The following PHC2 variants were observed in gnomAD, a reference collection of about 807,000 sequenced individuals.
PHC2 encodes the protein polyhomeotic-like protein 2.
PHC2 carries 29 observed loss-of-function variants against 87.4 expected under a neutral mutation model. That is an observed-to-expected ratio of 0.33 (90% CI 0.25 to 0.45). The LOEUF (loss-of-function observed/expected upper bound fraction) is 0.45, where lower values mean the gene tolerates loss of function less well. Ranked by LOEUF, PHC2 falls within the 20% of genes least tolerant of loss-of-function variation. The probability of loss-of-function intolerance (pLI) is 1.00; values close to 1 mark genes in which losing one functional copy is unlikely to be tolerated. For missense variants in PHC2, 857 were observed against 1,136.7 expected, an observed-to-expected ratio of 0.75 and a Z score of 3.54; for synonymous variants, 438 against 461.7, an observed-to-expected ratio of 0.95 and a Z score of 0.66.
At chr1:33,379,107 T>A (rs1648326841) in intron 1 of PHC2, among the ~76,000 whole-genome samples, 1 of 151,742 alleles carries the variant, frequency 6.6e-6, no homozygotes, top group Non-Finnish European at 1.5e-5. Flanking sequence ...TGGCATTCCT[T>A]TACAGAAAAA....
chr1:33,371,482 T>G (rs879311166), intron 3 of PHC2, among the ~76,000 whole-genome samples: 1 of 151,068 alleles, frequency 6.6e-6, no homozygotes, highest in African/African-American at 2.4e-5. Flanking sequence ...CCATCACACC[T>G]GGCCACCGCC....
intron 1 of PHC2, among the ~76,000 whole-genome samples, chr1:33,423,912 C>CACATCTCTACCAAA (rs1557850489): frequency 6.6e-6 from 1 of 152,078 alleles, no homozygotes; most frequent in Non-Finnish European, 1.5e-5. Flanking sequence ...CCCTGGACAA[C>CACATCTCTACCAAA]GTGGTGAAAC....
intron 1 of PHC2, among the ~76,000 whole-genome samples, chr1:33,402,603 A>G (rs776827763): frequency 6.6e-6 from 1 of 152,182 alleles, no homozygotes; most frequent in Non-Finnish European, 1.5e-5. Context: ...AATTCAATGG[A>G]ATGCTATACA....
intron 1 of PHC2, among the ~76,000 whole-genome samples, chr1:33,389,244 G>A (rs1377093204): frequency 1.3e-5 from 2 of 152,042 alleles, no homozygotes; most frequent in African/African-American, 2.4e-5. Flanking sequence ...AATCCCCCAC[G>A]CAACTCCAAG....
intron 7 of PHC2, among the ~76,000 whole-genome samples, chr1:33,360,417 T>C (rs1570483461): frequency 6.6e-6 from 1 of 152,248 alleles, no homozygotes; most frequent in Non-Finnish European, 1.5e-5. Flanking sequence ...AACGCATGGG[T>C]TTTAGAGTCA....
intron 8 of PHC2, 60 bp downstream of exon 8, chr1:33,354,778 G>C: frequency 6.5e-7 from 1 of 1,548,546 alleles, no homozygotes; most frequent in Non-Finnish European, 8.8e-7. Context: ...CGGGGCTGTG[G>C]GGTCGTCCGA....
At chr1:33,375,229 G>A (rs1322576610) in intron 2 of PHC2, 137 bp downstream of exon 2, 5 of 664,860 alleles carry the variant, frequency 7.5e-6, no homozygotes, top group African/African-American at 5.5e-5. Flanking sequence ...ACACAAATGT[G>A]TATCTACGAA....
chr1:33,330,314 C>A, intron 12 of PHC2, 102 bp from the exon 13 acceptor site: 3 of 1,301,794 alleles, frequency 2.3e-6, no homozygotes, highest in Non-Finnish European at 3.3e-6. Flanking sequence ...TTGAGTCCAT[C>A]TATTGGTTCA....
rs1646926552 is a variant in PHC2, at chr1:33,349,787, G to A, written c.1558+4614C>T. 2 of 978,266 alleles carry A rather than the reference G, an allele frequency of 2.0e-6. No individual in the cohort carries two copies. Among genetic ancestry groups the A allele is most frequent in the Non-Finnish European group, 2.4e-6 (2 of 826,288 alleles). The allele number at this position is 978,266 out of a possible 1,614,324, so 60.6% of individuals were successfully genotyped here. ...CCGGCGTCAACAAAGGGCGGCCGGG[G>A]CGCGAGGCCGGGACGGGGGCGCGAG... On this transcript the variant is annotated intron_variant, in intron 9 of 14. Coordinates refer to ENST00000683057, the MANE Select transcript of PHC2 (RefSeq NM_001385109.1). The surrounding 1 kb of genome is among the most constrained non-coding windows in gnomAD (Gnocchi z 4.2).
intron 9 of PHC2, among the ~76,000 whole-genome samples, chr1:33,336,137 T>C (rs1334447357): frequency 1.3e-5 from 2 of 151,862 alleles, no homozygotes; most frequent in East Asian, 2.0e-4. Context: ...TACAGGCACG[T>C]ACCACCATAC....
At chr1:33,362,587 CAG>C (rs1647221005) in intron 7 of PHC2, among the ~76,000 whole-genome samples, 2 of 152,280 alleles carry the variant, frequency 1.3e-5, no homozygotes, top group Admixed American at 6.5e-5. Context: ...AAGTGAAACA[CAG>C]GGGCACAGGA....
At chr1:33,366,813 CCAG>C (rs1404736443) in intron 7 of PHC2, among the ~76,000 whole-genome samples, 1 of 152,222 alleles carries the variant, frequency 6.6e-6, no homozygotes, top group Non-Finnish European at 1.5e-5. Context: ...CTGCCTGCCT[CCAG>C]CCACTCCAGG....
intron 2 of PHC2, among the ~76,000 whole-genome samples, chr1:33,373,416 C>T (rs1019057947): frequency 4.6e-5 from 7 of 152,088 alleles, no homozygotes; most frequent in East Asian, 3.9e-4. Flanking sequence ...CCACTGTGCC[C>T]GGCCCCCTTT....
At chr1:33,402,082 C>A (rs1649560150) in intron 1 of PHC2, among the ~76,000 whole-genome samples, 1 of 151,960 alleles carries the variant, frequency 6.6e-6, no homozygotes, top group Non-Finnish European at 1.5e-5. Context: ...GAATTTGCAT[C>A]AAAAATATTT....
chr1:33,334,643 T>A lies in PHC2; in HGVS notation c.1559-351A>T, dbSNP rs1646585019. On this transcript the variant is annotated intron_variant, in intron 9 of 14. Transcript: ENST00000683057. This position sits in a 1 kb window ranked among gnomAD's most constrained non-coding sequence, Gnocchi z 5.5. ...TCGATACTGATTTGAACAAATAAGG[T>A]TAATACTCAGTTTGAGGGAGAAAAG... 6.6e-6 allele frequency among the ~76,000 whole-genome samples: 1 copy of A among 152,210 alleles called. No individual in the cohort carries two copies. The highest frequency in any genetic ancestry group is 1.9e-4 in the East Asian group (1 of 5,198).
In PHC2 at chr1:33,324,580, A is replaced by C. The variant is rs567653185; in HGVS notation, c.*285T>G. The stretch of plus-strand genomic sequence containing the variant: ...GAAAATGGGGGACAGAAAGAGGGGA[A>C]GAGAGCGGGGCTAGAGTATTGGGAC... On this transcript the variant is annotated 3_prime_UTR_variant, in exon 15 of 15. Coordinates refer to ENST00000683057, the MANE Select transcript of PHC2 (RefSeq NM_001385109.1). 5.4e-5 allele frequency: 16 copies of C among 294,378 alleles called. No individual in the cohort carries two copies. In the East Asian group the frequency reaches 8.5e-4, roughly 16 times the overall value. 18.2% of individuals were successfully genotyped at this position (294,378 alleles called of 1,614,324 possible). A position where few individuals can be genotyped will look rare whatever the true frequency, so the allele number is the denominator to read the frequency against.
At chr1:33,345,210 A>G (rs375281058) in intron 9 of PHC2, 1 of 152,326 alleles carries the variant, frequency 6.6e-6, no homozygotes, top group East Asian at 1.9e-4. Flanking sequence ...ATGGCATCTA[A>G]TAGTCATCTC....
At chr1:33,341,958 C>T (rs1037022246) in intron 9 of PHC2, among the ~76,000 whole-genome samples, 1 of 152,234 alleles carries the variant, frequency 6.6e-6, no homozygotes, top group Non-Finnish European at 1.5e-5. Context: ...TGCCTTGACA[C>T]AGCAGGCTGT....
At chr1:33,353,195 GA>G (rs1405482276) in intron 9 of PHC2, 2 of 152,046 alleles carry the variant, frequency 1.3e-5, no homozygotes, top group Non-Finnish European at 1.5e-5. Flanking sequence ...GGTAAAAAAT[GA>G]AAAAAAGTCT....
Sources: allele counts gnomAD v4.1 joint callset (sites outside exome capture counted in the v4.1 genomes callset), GRCh38; gene constraint gnomAD v4.1.1; non-coding constraint Gnocchi (gnomAD v3.1); transcripts MANE v1.5; gene names NCBI Gene and HGNC (gene_info 2026-07-23, HGNC 2026-07-21).